The following SNTB1 variants were observed in gnomAD, a reference collection of about 807,000 sequenced individuals.
SNTB1 encodes the protein beta-1-syntrophin.
Under a neutral mutation model 48.9 loss-of-function variants are expected in SNTB1, and 36 were observed. The ratio of observed to expected loss-of-function variants is 0.74; its 90% CI spans 0.56 to 0.97. SNTB1 has a LOEUF of 0.97. Ranked by LOEUF, SNTB1 falls within the 50% of genes least tolerant of loss-of-function variation. SNTB1 has a pLI of 0.00. For missense variants in SNTB1, 786 were observed against 703.4 expected, an observed-to-expected ratio of 1.12 and a Z score of -1.33; for synonymous variants, 299 against 294.6, an observed-to-expected ratio of 1.01 and a Z score of -0.15.
At chr8:120,658,642 C>G (rs745434698) in intron 2 of SNTB1, among the ~76,000 whole-genome samples, 2 of 152,190 alleles carry the variant, frequency 1.3e-5, no homozygotes, top group African/African-American at 2.4e-5. Context: ...CTTAAAAATA[C>G]TTTAATGCTA....
intron 3 of SNTB1, among the ~76,000 whole-genome samples, chr8:120,630,602 T>C (rs1229826798): frequency 6.6e-6 from 1 of 152,156 alleles, no homozygotes; most frequent in Non-Finnish European, 1.5e-5. Flanking sequence ...CTTAACCAAG[T>C]GAGAGCATTT....
chr8:120,744,533 A>G (rs1819093919), intron 1 of SNTB1, among the ~76,000 whole-genome samples: 1 of 152,214 alleles, frequency 6.6e-6, no homozygotes, highest in Non-Finnish European at 1.5e-5. Flanking sequence ...AGTGGCATAA[A>G]TTCAACTTCA....
chr8:120,601,691 T>C (rs762471625), intron 3 of SNTB1, among the ~76,000 whole-genome samples: 2 of 152,174 alleles, frequency 1.3e-5, no homozygotes, highest in African/African-American at 2.4e-5. Flanking sequence ...GGTTAAGAAA[T>C]GGCAATATTT....
At chr8:120,543,407 T>C (rs944971329) in intron 5 of SNTB1, among the ~76,000 whole-genome samples, 1 of 152,196 alleles carries the variant, frequency 6.6e-6, no homozygotes, top group Non-Finnish European at 1.5e-5. Flanking sequence ...CAGAACTTGC[T>C]GTACATCATC....
At chr8:120,724,747 G>T (rs1474676419) in intron 1 of SNTB1, among the ~76,000 whole-genome samples, 1 of 152,188 alleles carries the variant, frequency 6.6e-6, no homozygotes, top group Admixed American at 6.5e-5. Context: ...AGCCAGGGTG[G>T]CAGAATTGCA....
In SNTB1 at chr8:120,568,456, T is replaced by C. The variant is rs537324447; in HGVS notation, c.1136+6630A>G. On this transcript the variant is annotated intron_variant, in intron 4 of 6. Transcript: ENST00000517992. The stretch of plus-strand genomic sequence containing the variant: ...TGATCAGGACTGATGCTCTGGTAGC[T>C]GATGCTCAAGCCAAAAGGTCAGTTA... Among the ~76,000 whole-genome samples, 4 of 152,336 alleles carry C rather than the reference T, an allele frequency of 2.6e-5. No individual in the cohort carries two copies. In the South Asian group the frequency reaches 6.2e-4, roughly 24 times the overall value.
rs80086965 is a variant in SNTB1, at chr8:120,604,471, T to G, written c.996+27973A>C. Among the ~76,000 whole-genome samples, 22 of 151,906 alleles carry G rather than the reference T, an allele frequency of 1.4e-4. No homozygotes were observed. In the South Asian group the frequency reaches 4.4e-3, roughly 30 times the overall value. On this transcript the variant is annotated intron_variant, in intron 3 of 6. Transcript: ENST00000517992. ...GGCTTTTGCTTCTTTTTTTTTTTTT[T>G]TTGAGACAGTTTCTCTCTGTCTCCC...
At chr8:120,687,294 G>GTT (rs1818050159) in intron 2 of SNTB1, among the ~76,000 whole-genome samples, 1 of 152,168 alleles carries the variant, frequency 6.6e-6, no homozygotes, top group African/African-American at 2.4e-5. Flanking sequence ...ACAACTTCAA[G>GTT]GAGCCTAGAA....
intron 1 of SNTB1, among the ~76,000 whole-genome samples, chr8:120,779,080 A>G (rs1819787312): frequency 6.6e-6 from 1 of 152,214 alleles, no homozygotes; most frequent in Admixed American, 6.5e-5. Flanking sequence ...GTGGGCACAG[A>G]TGAAAAAGTA....
Position 120,811,657 on chromosome 8 carries a change from C to A in SNTB1, c.187G>T (p.Ala63Ser), listed in dbSNP as rs1820438320. 14 of 1,593,212 alleles carry A rather than the reference C, an allele frequency of 8.8e-6. No individual in the cohort carries two copies. In the East Asian group the frequency reaches 2.1e-4, roughly 24 times the overall value. The stretch of plus-strand genomic sequence containing the variant: ...CCCCTGCAGAACGAGCCATTGGTGG[C>A]GGTCCCGATGCCGTTGTACGCCGCA... ...GAAAYNGIGT[A>S]TNGSFCRGAG... The change falls in exon 1 of 7, where the codon GCC (alanine) becomes TCC (serine). Residue 63 changes from alanine (A) to serine (S), a missense_variant. Physicochemically the swap from Ala to Ser is moderately conservative, Grantham distance 99. Coordinates refer to ENST00000517992, the MANE Select transcript of SNTB1 (RefSeq NM_021021.4).
chr8:120,624,059 T>TC (rs1303197228), intron 3 of SNTB1, among the ~76,000 whole-genome samples: 1 of 152,130 alleles, frequency 6.6e-6, no homozygotes, highest in Admixed American at 6.5e-5. Context: ...TGCCTCAGCC[T>TC]CTTGATTAGC....
chr8:120,673,446 A>G (rs972989768), intron 2 of SNTB1, among the ~76,000 whole-genome samples: 24 of 151,826 alleles, frequency 1.6e-4, no homozygotes, highest in Admixed American at 1.4e-3. Context: ...ATGCATCACC[A>G]TGCCCAGTTA....
rs71308607 is a variant in SNTB1 at position 120,755,142 on chromosome 8, TTGTGTGTGTGTG to T, written c.571+56119_571+56130del. 5.0e-5 allele frequency among the ~76,000 whole-genome samples: 3 copies of T among 59,740 alleles called. No homozygotes were observed. In the Admixed American group the frequency reaches 6.5e-4, roughly 13 times the overall value. The allele number at this position is 59,740 out of a possible 152,430, so 39.2% of individuals were successfully genotyped here. ...GTTGAGTCTAAGCTATGCTGTGGTG[TTGTGTGTGTGTG>T]TGTGTGTGTGTGTGTGTGAGAGAGA... On this transcript the variant is annotated intron_variant, in intron 1 of 6. Coordinates refer to ENST00000517992, the MANE Select transcript of SNTB1 (RefSeq NM_021021.4).
chr8:120,708,280 C>A (rs114460661), intron 1 of SNTB1, among the ~76,000 whole-genome samples: 2,856 of 151,570 alleles, frequency 0.019, 98 homozygotes, highest in African/African-American at 0.063. Context: ...TGGGAAAATT[C>A]TTTAAAAATA....
chr8:120,796,558 G>A lies in SNTB1; in HGVS notation c.571+14715C>T, dbSNP rs12386869. Among the ~76,000 whole-genome samples, 315 of 152,134 alleles carry A rather than the reference G, an allele frequency of 2.1e-3. 1 individual carries two copies. Among genetic ancestry groups the A allele is most frequent in the African/African-American group, 7.2e-3 (301 of 41,534 alleles). Reference sequence around the variant, plus strand: ...GAAAGAAAGCACATTTGAAGTGGGAGGTTCCCAGTGCCTGGGACGTGCTCC... The same window carrying A: ...GAAAGAAAGCACATTTGAAGTGGGAAGTTCCCAGTGCCTGGGACGTGCTCC... On this transcript the variant is annotated intron_variant, in intron 1 of 6. Transcript: ENST00000517992.
intron 2 of SNTB1, among the ~76,000 whole-genome samples, chr8:120,668,490 C>G (rs1379673752): frequency 6.6e-5 from 10 of 152,138 alleles, no homozygotes; most frequent in African/African-American, 2.4e-4. Context: ...GGCATTATGG[C>G]ATTTCCTTTG....
intron 1 of SNTB1, among the ~76,000 whole-genome samples, chr8:120,782,675 C>A (rs187771812): frequency 1.3e-5 from 2 of 152,128 alleles, no homozygotes; most frequent in Non-Finnish European, 2.9e-5. Flanking sequence ...GAGTTACCAT[C>A]CAATAATGTA....
intron 1 of SNTB1, among the ~76,000 whole-genome samples, chr8:120,722,127 C>A (rs1021553153): frequency 6.6e-6 from 1 of 152,126 alleles, no homozygotes; most frequent in Admixed American, 6.5e-5. Flanking sequence ...TTTTCTTAAT[C>A]CAGTCTATCA....
At chr8:120,568,600 C>T (rs1815790945) in intron 4 of SNTB1, among the ~76,000 whole-genome samples, 1 of 152,194 alleles carries the variant, frequency 6.6e-6, no homozygotes, top group African/African-American at 2.4e-5. Context: ...TGGGGTTAAG[C>T]ACTCTTCTGG....
Sources: allele counts gnomAD v4.1 joint callset (sites outside exome capture counted in the v4.1 genomes callset), GRCh38; gene constraint gnomAD v4.1.1; transcripts MANE v1.5; gene names NCBI Gene and HGNC (gene_info 2026-07-23, HGNC 2026-07-21).